RPS24: variants seen among roughly 807,000 people sequenced by gnomAD.
RPS24 encodes the protein ribosomal protein S24, also known as small ribosomal subunit protein eS24.
For missense variants in RPS24, 100 were observed against 162.5 expected, an observed-to-expected ratio of 0.62 and a Z score of 2.09; for synonymous variants, 72 against 55.6, an observed-to-expected ratio of 1.30 and a Z score of -1.31.
In RPS24 at chr10:78,035,603, C is replaced by T; in HGVS notation, c.162C>T (p.Val54=). The T allele has an allele frequency of 3.7e-6, 6 of 1,613,224 alleles. No individual in the cohort carries two copies. Among genetic ancestry groups the T allele is most frequent in the Non-Finnish European group, 5.1e-6 (6 of 1,180,020 alleles). Residue 54 remains valine, a synonymous_variant, in exon 3 of 6, where the codon GTC becomes GTT. Transcript: ENST00000372360. ...AAATGTACAAGACCACACCGGATGTCATCTTTGTATTTGGATTCAGAACTC... is the reference window on the plus strand; with the variant it reads ...AAATGTACAAGACCACACCGGATGTTATCTTTGTATTTGGATTCAGAACTC... The part of the protein sequence containing the change: ...LAKMYKTTPD[V]IFVFGFRTHF...
At chr10:78,041,628 G>C (rs1248598538), downstream of RPS24, among the ~76,000 whole-genome samples, 3 of 152,198 alleles carry the variant, frequency 2.0e-5, no homozygotes, top group Non-Finnish European at 4.4e-5. Flanking sequence ...TTGAGATGCA[G>C]TTTCCTGTGA....
At chr10:78,037,334 G>T in intron 4 of RPS24, 30 bp downstream of exon 4, 1 of 1,566,016 alleles carries the variant, frequency 6.4e-7, no homozygotes, top group South Asian at 1.2e-5. Context: ...ATATAGAAAC[G>T]TCATTAATTG....
intron 5 of RPS24, 34 bp from the exon 6 acceptor site, chr10:78,040,581 G>T (rs976751609): frequency 6.6e-7 from 1 of 1,524,566 alleles, no homozygotes; most frequent in East Asian, 2.2e-5. Flanking sequence ...TTTAAAGGCA[G>T]TTGTTGACTA....
rs1233669079 is a variant in RPS24, at chr10:78,035,734, C to T, written c.279+14C>T. On this transcript the variant is annotated intron_variant, in intron 3 of 5. Transcript: ENST00000372360. The stretch of plus-strand genomic sequence containing the variant: ...AGACTTGCAAGAGTAGGTGTCTTTT[C>T]ATTTGTTGATCAGCTCCTGAAGACC... 1.3e-6 allele frequency: 2 copies of T among 1,592,798 alleles called. No homozygotes were observed. Among genetic ancestry groups the T allele is most frequent in the African/African-American group, 2.7e-5 (2 of 74,938 alleles).
At chr10:78,034,100 C>G in intron 1 of RPS24, 196 bp downstream of exon 1, 1 of 677,226 alleles carries the variant, frequency 1.5e-6, no homozygotes, top group South Asian at 1.6e-5. Context: ...TAGACCCGGA[C>G]ACGCTGGGCT....
exon 5 of RPS24, chr10:78,055,294 C>T (rs1848139962): frequency 5.6e-6 from 2 of 355,462 alleles, no homozygotes; most frequent in Non-Finnish European, 9.9e-6. Flanking sequence ...TTTTCCTCGT[C>T]AGCAGTTGAT....
chr10:78,040,529 G>T (rs1208240933), intron 5 of RPS24, 86 bp from the exon 6 acceptor site: 3 of 936,308 alleles, frequency 3.2e-6, no homozygotes, highest in Non-Finnish European at 5.3e-6. Flanking sequence ...TAATTGTTGT[G>T]CATGAGTGTT....
rs1206285579 is a variant in RPS24, at chr10:78,033,875, T to C, written c.-27T>C. On this transcript the variant is annotated 5_prime_UTR_variant, in exon 1 of 6. Transcript: ENST00000372360. ...GCGAATCGTGGTTCTCTTTTCCTCC[T>C]TGGCTGTCTGAAGATAGATCGCCAT... is the stretch of plus-strand genomic sequence containing the variant. 1.1e-5 allele frequency: 17 copies of C among 1,614,048 alleles called. No individual in the cohort carries two copies. The highest frequency in any genetic ancestry group is 1.2e-5 in the Non-Finnish European group (14 of 1,179,966).
At chr10:78,037,131 C>T in intron 3 of RPS24, 63 bp from the exon 4 acceptor site, 2 of 1,553,436 alleles carry the variant, frequency 1.3e-6, no homozygotes, top group Non-Finnish European at 1.7e-6. Context: ...GTTTCCCTAC[C>T]AGAGTGGTGG....
chr10:78,052,227 T>C (rs1381562821), intron 4 of RPS24, among the ~76,000 whole-genome samples: 1 of 152,060 alleles, frequency 6.6e-6, no homozygotes, highest in Non-Finnish European at 1.5e-5. Context: ...GGTTTCACCA[T>C]GTTGGCCAGG....
In RPS24 at chr10:78,035,869, A is replaced by G. The variant is rs1322600495; in HGVS notation, c.279+149A>G. The G allele has an allele frequency of 9.4e-6, 7 of 742,134 alleles. No individual in the cohort carries two copies. The Admixed American group carries it at 1.2e-4, about 13-fold the overall frequency. 46.0% of individuals were successfully genotyped at this position (742,134 alleles called of 1,614,324 possible). ...GAAAAAGTTATTTCATAAAATGCAC[A>G]GGTGGAGTACGGGGGTTCAAAATTG... On this transcript the variant is annotated intron_variant, in intron 3 of 5. Transcript: ENST00000372360.
At chr10:78,040,324 G>T (rs1847966140) in intron 5 of RPS24, 99 bp downstream of exon 5, 3 of 995,604 alleles carry the variant, frequency 3.0e-6, no homozygotes, top group Non-Finnish European at 4.8e-6. Context: ...ACATCTAGAA[G>T]TAGATTTACA....
chr10:78,037,170 T>G, intron 3 of RPS24, 24 bp from the exon 4 acceptor site: 1 of 1,586,052 alleles, frequency 6.3e-7, no homozygotes, highest in Non-Finnish European at 8.6e-7. Context: ...ACAAGTCACC[T>G]GGATGTACTC....
chr10:78,047,160 T>A (rs1848052371), intron 4 of RPS24, among the ~76,000 whole-genome samples: 1 of 151,824 alleles, frequency 6.6e-6, no homozygotes, highest in East Asian at 1.9e-4. Flanking sequence ...GAGATGGGAT[T>A]TCACCATGTT....
intron 4 of RPS24, among the ~76,000 whole-genome samples, chr10:78,054,059 A>G (rs1848127115): frequency 6.6e-6 from 1 of 152,018 alleles, no homozygotes; most frequent in Non-Finnish European, 1.5e-5. Flanking sequence ...TACCTTGGTG[A>G]GCTTTCCCAG....
downstream of RPS24, among the ~76,000 whole-genome samples, chr10:78,043,005 A>G (rs1156431651): frequency 1.7e-4 from 18 of 106,738 alleles, no homozygotes; most frequent in Admixed American, 1.8e-3. Context: ...GCGCACACAC[A>G]TACACACATA....
chr10:78,045,608 A>C (rs1848035366), downstream of RPS24, among the ~76,000 whole-genome samples: 1 of 151,774 alleles, frequency 6.6e-6, no homozygotes, highest in Non-Finnish European at 1.5e-5. Flanking sequence ...CAGTCTTCTG[A>C]GTAGCTGGAA....
intron 5 of RPS24, 53 bp from the exon 6 acceptor site, chr10:78,040,560 CTT>C: frequency 2.2e-6 from 3 of 1,347,226 alleles, no homozygotes; most frequent in Admixed American, 1.7e-5. Flanking sequence ...GAATTGAAGA[CTT>C]TAAAGAATTT....
At position 78,040,174 on chromosome 10, in the gene RPS24, C is replaced by A. The variant is rs1263166092; in HGVS notation, c.391-30C>A. On this transcript the variant is annotated intron_variant, in intron 4 of 5. Coordinates refer to ENST00000372360, the MANE Select transcript of RPS24 (RefSeq NM_033022.4). ...ATGAAATCTTTCTTTTCCCTCCTTTCTCTTTTTCCCTTCCCCGCCACTGAT... is the reference window on the plus strand; with the variant it reads ...ATGAAATCTTTCTTTTCCCTCCTTTATCTTTTTCCCTTCCCCGCCACTGAT... 1.9e-6 allele frequency: 3 copies of A among 1,586,206 alleles called. No individual in the cohort carries two copies. The Admixed American group carries it at 5.0e-5, about 27-fold the overall frequency.
Sources: allele counts gnomAD v4.1 joint callset (sites outside exome capture counted in the v4.1 genomes callset), GRCh38; gene constraint gnomAD v4.1.1; transcripts MANE v1.5; gene names NCBI Gene and HGNC (gene_info 2026-07-23, HGNC 2026-07-21).